KPNA6: variants seen among roughly 807,000 people sequenced by gnomAD.
KPNA6 encodes karyopherin subunit alpha 6.
KPNA6 carries 9 observed loss-of-function variants against 72.0 expected under a neutral mutation model. The ratio of observed to expected loss-of-function variants is 0.13; its 90% CI spans 0.08 to 0.22. The LOEUF (loss-of-function observed/expected upper bound fraction) is 0.22, where lower values mean the gene tolerates loss of function less well. KPNA6 is among the 10% of genes least tolerant of loss of function. The probability of loss-of-function intolerance (pLI) is 1.00; values close to 1 mark genes in which losing one functional copy is unlikely to be tolerated. For missense variants in KPNA6, 374 were observed against 655.7 expected (o/e 0.57, Z 4.69); for synonymous variants, 219 against 242.1 (o/e 0.90, Z 0.89).
rs35179721 is a variant in KPNA6 at position 32,150,127 on chromosome 1, C to CTTTTTTT, written c.5-4444_5-4438dup. 2.6e-4 allele frequency among the ~76,000 whole-genome samples: 23 copies of CTTTTTTT among 87,046 alleles called. 1 individual carries two copies. The highest frequency in any genetic ancestry group is 4.2e-4 in the Non-Finnish European group (19 of 44,980). 57.1% of individuals were successfully genotyped at this position (87,046 alleles called of 152,430 possible). On this transcript the variant is annotated intron_variant, in intron 1 of 13. Transcript: ENST00000373625. ...GGATTAGATCTGGAAAATTTTTAGT[C>CTTTTTTT]TTTTTTTTTTTTTTTTTTTTTTTGA...
At chr1:32,154,525 G>T in intron 1 of KPNA6, 63 bp from the exon 2 acceptor site, 1 of 1,572,500 alleles carries the variant, frequency 6.4e-7, no homozygotes, top group Non-Finnish European at 8.7e-7. Context: ...AGGGATAGAA[G>T]TCTAGTGAAA....
At chr1:32,127,477 T>C (rs1026761385) in intron 1 of KPNA6, among the ~76,000 whole-genome samples, 2 of 152,246 alleles carry the variant, frequency 1.3e-5, no homozygotes, top group Admixed American at 1.3e-4. Context: ...GAGAAATCCC[T>C]GTTTCCAATT....
At chr1:32,144,497 A>G (rs1464846791) in intron 1 of KPNA6, among the ~76,000 whole-genome samples, 1 of 152,086 alleles carries the variant, frequency 6.6e-6, no homozygotes, top group African/African-American at 2.4e-5. Context: ...ATTCTTTTTA[A>G]TTTTTTTAGG....
intron 12 of KPNA6, 25 bp downstream of exon 12, chr1:32,167,321 T>A: frequency 6.2e-7 from 1 of 1,613,610 alleles, no homozygotes; most frequent in Non-Finnish European, 8.5e-7. Flanking sequence ...TCCCGTTGTC[T>A]TGAATGATAA....
Position 32,155,344 on chromosome 1 carries a change from C to T in KPNA6, c.138+623C>T, listed in dbSNP as rs538855749. 1.4e-4 allele frequency among the ~76,000 whole-genome samples: 16 copies of T among 117,166 alleles called. No individual in the cohort carries two copies. In the East Asian group the frequency reaches 3.2e-3, roughly 23 times the overall value. 76.9% of individuals were successfully genotyped at this position (117,166 alleles called of 152,430 possible). On this transcript the variant is annotated intron_variant, in intron 2 of 13. Transcript: ENST00000373625. ...TTTTTTTCTTTTTTTTTTTTTGAGA[C>T]GGAGTCTGATTCTGTCACCCAGGCT...
At chr1:32,119,794 G>C (rs1641399058) in intron 1 of KPNA6, among the ~76,000 whole-genome samples, 1 of 148,040 alleles carries the variant, frequency 6.8e-6, no homozygotes, top group South Asian at 2.1e-4. Flanking sequence ...GCCCAGGCTA[G>C]AGTGCAGTGG....
At chr1:32,145,488 C>T (rs1424702888) in intron 1 of KPNA6, among the ~76,000 whole-genome samples, 1 of 151,296 alleles carries the variant, frequency 6.6e-6, no homozygotes, top group East Asian at 2.0e-4. Flanking sequence ...CCATGCCTGG[C>T]TAATTTTTGT....
chr1:32,134,128 G>A (rs1450916358), intron 1 of KPNA6, among the ~76,000 whole-genome samples: 1 of 150,724 alleles, frequency 6.6e-6, no homozygotes, highest in East Asian at 2.0e-4. Context: ...TGGGTGGTGG[G>A]CCCCTGTAGT....
Position 32,175,755 on chromosome 1 carries a change from C to A in KPNA6, c.*4861C>A, listed in dbSNP as rs1480488902. 8.4e-6 allele frequency: 1 copy of A among 119,282 alleles called. No individual in the cohort carries two copies. The highest frequency in any genetic ancestry group is 1.6e-5 in the Non-Finnish European group (1 of 60,778). 7.4% of individuals were successfully genotyped at this position (119,282 alleles called of 1,614,324 possible). On this transcript the variant is annotated 3_prime_UTR_variant, in exon 14 of 14. Transcript: ENST00000373625. ...CCAAGATCATGCCACTGCACTCCAGCTTGGGTGACAGTGCGAGACTCCATC... is the reference window on the plus strand; with the variant it reads ...CCAAGATCATGCCACTGCACTCCAGATTGGGTGACAGTGCGAGACTCCATC...
chr1:32,121,554 T>G (rs968610303), intron 1 of KPNA6, among the ~76,000 whole-genome samples: 1 of 152,116 alleles, frequency 6.6e-6, no homozygotes, highest in Non-Finnish European at 1.5e-5. Flanking sequence ...TCATCAACAC[T>G]CAGGAAAAAT....
At chr1:32,123,172 CAG>C (rs1641467266) in intron 1 of KPNA6, among the ~76,000 whole-genome samples, 1 of 152,072 alleles carries the variant, frequency 6.6e-6, no homozygotes, top group Non-Finnish European at 1.5e-5. Flanking sequence ...TTAAGGGAAA[CAG>C]AACTGTCAAA....
intron 1 of KPNA6, among the ~76,000 whole-genome samples, chr1:32,117,403 AC>A (rs558816339): frequency 0.05 from 7,565 of 151,314 alleles, 238 homozygotes; most frequent in Non-Finnish European, 0.077. Context: ...TGAACTCCTG[AC>A]CTTGTGATCC....
At chr1:32,141,439 CCAGGCTGGAGTG>C (rs1454271543) in intron 1 of KPNA6, among the ~76,000 whole-genome samples, 2 of 120,812 alleles carry the variant, frequency 1.7e-5, no homozygotes, top group Non-Finnish European at 1.6e-5. Flanking sequence ...ACACTGTCAC[CCAGGCTGGAGTG>C]CAGTGGCGCG....
intron 11 of KPNA6, 85 bp downstream of exon 11, chr1:32,166,315 T>C (rs1225673637): frequency 1.8e-5 from 26 of 1,475,714 alleles, no homozygotes; most frequent in Non-Finnish European, 2.3e-5. Context: ...GAAGAAAGAA[T>C]TTGTTTCCCT....
chr1:32,126,288 AC>A (rs1257552786), intron 1 of KPNA6, among the ~76,000 whole-genome samples: 1 of 56,438 alleles, frequency 1.8e-5, no homozygotes, highest in African/African-American at 6.7e-5. Context: ...ATGCTTCCCC[AC>A]CCCCCCACCC....
In KPNA6 at chr1:32,109,992, C is replaced by A. The variant is rs189468133; in HGVS notation, c.4+1858C>A. 5.2e-3 allele frequency among the ~76,000 whole-genome samples: 785 copies of A among 151,326 alleles called. 2 individuals carry two copies. Among genetic ancestry groups the A allele is most frequent in the Non-Finnish European group, 9.0e-3 (609 of 67,900 alleles). ...TTTTTCTGAACGAAACTGAAGGAGT[C>A]CAGAGTGAATTGATAACTCTAATTA... On this transcript the variant is annotated intron_variant, in intron 1 of 13. Coordinates refer to ENST00000373625, the MANE Select transcript of KPNA6 (RefSeq NM_012316.5).
At chr1:32,160,520 T>G (rs1642218995) in intron 6 of KPNA6, 95 bp from the exon 7 acceptor site, 1 of 914,952 alleles carries the variant, frequency 1.1e-6, no homozygotes, top group South Asian at 1.3e-5. Context: ...GACATCATTC[T>G]CATCCTGGTG....
At chr1:32,114,420 G>A (rs939802526) in intron 1 of KPNA6, among the ~76,000 whole-genome samples, 23 of 145,768 alleles carry the variant, frequency 1.6e-4, no homozygotes, top group East Asian at 6.0e-4. Flanking sequence ...CAGCCTGGGC[G>A]ACAAGAACGA....
At chr1:32,131,228 A>T (rs1641630606) in intron 1 of KPNA6, among the ~76,000 whole-genome samples, 1 of 152,222 alleles carries the variant, frequency 6.6e-6, no homozygotes, top group Admixed American at 6.5e-5. Context: ...TGGAAGGTGG[A>T]GGTTGCAGTG....
Sources: allele counts gnomAD v4.1 joint callset (sites outside exome capture counted in the v4.1 genomes callset), GRCh38; gene constraint gnomAD v4.1.1; transcripts MANE v1.5; gene names NCBI Gene and HGNC (gene_info 2026-07-23, HGNC 2026-07-21).